CYP4Z1: variants seen among roughly 807,000 people sequenced by gnomAD.
CYP4Z1 encodes the protein cytochrome P450 4Z1.
Under a neutral mutation model 54.2 loss-of-function variants are expected in CYP4Z1, and 41 were observed. That is an observed-to-expected ratio of 0.76 (90% confidence interval 0.59 to 0.98). The LOEUF is 0.98. Among genes scored for constraint, CYP4Z1 ranks in the 50% least tolerant of loss-of-function variants. The pLI is 0.00. For missense variants in CYP4Z1, 513 were observed against 599.0 expected (o/e 0.86, Z 1.50); for synonymous variants, 163 against 206.2 (o/e 0.79, Z 1.79).
At chr1:47,090,545 C>A (rs2742092) in intron 6 of CYP4Z1, among the ~76,000 whole-genome samples, 1 of 152,116 alleles carries the variant, frequency 6.6e-6, no homozygotes, top group African/African-American at 2.4e-5. Flanking sequence ...TGCAAATATG[C>A]GTTAAAAAGA....
chr1:47,115,525 T>C lies in CYP4Z1; in HGVS notation c.1202-4T>C, dbSNP rs754515994. 5 of 1,612,776 alleles carry C rather than the reference T, an allele frequency of 3.1e-6. No individual in the cohort carries two copies. Among genetic ancestry groups the C allele is most frequent in the Non-Finnish European group, 8.5e-7 (1 of 1,179,504 alleles). On this transcript the variant is annotated splice_polypyrimidine_tract_variant and splice_region_variant and intron_variant, in intron 9 of 11. Coordinates refer to ENST00000334194, the MANE Select transcript of CYP4Z1 (RefSeq NM_178134.3). ...CTTACCTGCTTTTTCTTCTGTTTAC[T>C]CAGGAATAACTGTGTTTATCAATAT...
chr1:47,088,839 T>C (rs1308145401), intron 6 of CYP4Z1, among the ~76,000 whole-genome samples: 1 of 136,384 alleles, frequency 7.3e-6, no homozygotes, highest in Non-Finnish European at 1.5e-5. Context: ...GCAGGCTGGT[T>C]TCGAACTCCT....
At chr1:47,099,525 T>G (rs1277083346) in intron 8 of CYP4Z1, among the ~76,000 whole-genome samples, 1 of 152,190 alleles carries the variant, frequency 6.6e-6, no homozygotes, top group African/African-American at 2.4e-5. Context: ...CTTCAGGCAA[T>G]AGTACAACTG....
At chr1:47,102,993 T>A (rs1337537492) in intron 8 of CYP4Z1, among the ~76,000 whole-genome samples, 1 of 152,182 alleles carries the variant, frequency 6.6e-6, no homozygotes, top group East Asian at 1.9e-4. Flanking sequence ...GTGTCTTATA[T>A]GTCACATAGG....
chr1:47,056,879 C>A, the CYP4Z1 span, among the ~76,000 whole-genome samples: 1 of 152,090 alleles, frequency 6.6e-6, no homozygotes, highest in East Asian at 1.9e-4. Flanking sequence ...ATCCAATTTG[C>A]CAGTCTGTGT....
At chr1:47,065,799 A>G (rs1644446604), upstream of CYP4Z1, among the ~76,000 whole-genome samples, 1 of 152,178 alleles carries the variant, frequency 6.6e-6, no homozygotes, top group Non-Finnish European at 1.5e-5. Flanking sequence ...AACGAAGTAA[A>G]CAAGAGAGAA....
chr1:47,062,215 T>C, the CYP4Z1 span, among the ~76,000 whole-genome samples: 3 of 152,252 alleles, frequency 2.0e-5, no homozygotes, highest in South Asian at 6.2e-4. Context: ...AGTTTGAAGA[T>C]GACAGATAGC....
intron 2 of CYP4Z1, among the ~76,000 whole-genome samples, chr1:47,078,211 T>C (rs1644539452): frequency 6.6e-6 from 1 of 152,176 alleles, no homozygotes; most frequent in Admixed American, 6.5e-5. Flanking sequence ...CTTAGGACCA[T>C]TTACTTTTTC....
rs145999535 is a variant in CYP4Z1, at chr1:47,094,122, T to C, written c.773-444T>C. ...AAGGGGAATATTTTCAGTATTCCTC[T>C]GCCACTCAATTTGAGCACCAGTCTC... On this transcript the variant is annotated intron_variant, in intron 6 of 11. Transcript: ENST00000334194. 5.9e-3 allele frequency among the ~76,000 whole-genome samples: 887 copies of C among 151,440 alleles called. 8 individuals are homozygous for C. Among genetic ancestry groups the C allele is most frequent in the African/African-American group, 0.02 (831 of 40,726 alleles).
chr1:47,093,250 A>G (rs1383898580), intron 6 of CYP4Z1, among the ~76,000 whole-genome samples: 1 of 150,748 alleles, frequency 6.6e-6, no homozygotes, highest in Admixed American at 6.6e-5. Context: ...ACCCAGGGTG[A>G]AGGACAAGAC....
At chr1:47,094,091 G>C (rs191091175) in intron 6 of CYP4Z1, among the ~76,000 whole-genome samples, 19 of 152,212 alleles carry the variant, frequency 1.2e-4, no homozygotes, top group Non-Finnish European at 2.4e-4. Context: ...TCTTGTTCCA[G>C]TTCTCAAGGG....
chr1:47,079,844 T>G (rs1329815886), intron 2 of CYP4Z1, among the ~76,000 whole-genome samples: 1 of 138,318 alleles, frequency 7.2e-6, no homozygotes, highest in African/African-American at 2.7e-5. Flanking sequence ...GGCAGTGGTT[T>G]TATATTGAAG....
At chr1:47,060,490 T>C in the CYP4Z1 span, among the ~76,000 whole-genome samples, 1 of 124,538 alleles carries the variant, frequency 8.0e-6, no homozygotes, top group Non-Finnish European at 1.6e-5. Flanking sequence ...AGGTAAAGGG[T>C]TCTATTTAAG....
rs1644824522 is a variant in CYP4Z1, at chr1:47,115,598, G to T, written c.1266+5G>T. ...TATTTCTGGGAAGACCCTCAGGTATGATTGTCCCAACTGCACCCAGTGGCA... is the reference window on the plus strand; with the variant it reads ...TATTTCTGGGAAGACCCTCAGGTATTATTGTCCCAACTGCACCCAGTGGCA... On this transcript the variant is annotated splice_donor_5th_base_variant and intron_variant, in intron 10 of 11. Coordinates refer to ENST00000334194, the MANE Select transcript of CYP4Z1 (RefSeq NM_178134.3). The T allele has an allele frequency of 6.2e-7, 1 of 1,613,170 alleles. No individual in the cohort carries two copies. Among genetic ancestry groups the T allele is most frequent in the South Asian group, 1.1e-5 (1 of 91,042 alleles).
At chr1:47,106,469 G>A (rs1644758537) in intron 9 of CYP4Z1, among the ~76,000 whole-genome samples, 1 of 151,988 alleles carries the variant, frequency 6.6e-6, no homozygotes, top group Admixed American at 6.6e-5. Flanking sequence ...ACAGAATCCT[G>A]CCATATGGAC....
intron 10 of CYP4Z1, among the ~76,000 whole-genome samples, 191 bp downstream of exon 10, chr1:47,115,784 A>G (rs1474722538): frequency 6.6e-5 from 10 of 152,216 alleles, no homozygotes; most frequent in African/African-American, 2.2e-4. Flanking sequence ...TTCCATGATG[A>G]TGCCTTATCA....
In CYP4Z1 at chr1:47,094,922, C is replaced by T. The variant is rs549159739; in HGVS notation, c.876+253C>T. ...ACTTGGGAGGCTGAGGTGGGAGAGT[C>T]GTTTGAACCCAGGAGGTGGTAGAGC... On this transcript the variant is annotated intron_variant, in intron 7 of 11. Transcript: ENST00000334194. Among the ~76,000 whole-genome samples, 17 of 151,928 alleles carry T rather than the reference C, an allele frequency of 1.1e-4. No homozygotes were observed. In the South Asian group the frequency reaches 2.1e-3, roughly 19 times the overall value.
At chr1:47,084,511 G>A in intron 4 of CYP4Z1, 109 bp from the exon 5 acceptor site, 1 of 1,487,832 alleles carries the variant, frequency 6.7e-7, no homozygotes, top group Non-Finnish European at 9.1e-7. Context: ...AATTCATTTT[G>A]TACGCTTTAT....
the CYP4Z1 span, among the ~76,000 whole-genome samples, chr1:47,057,039 T>C: frequency 0.098 from 14,949 of 151,934 alleles, 776 homozygotes; most frequent in East Asian, 0.22. Context: ...ATTTGGCATG[T>C]TTTTGCAGTA....
Sources: gnomAD v4.1 joint callset for allele counts (sites outside exome capture counted in the v4.1 genomes callset) on GRCh38, gnomAD v4.1.1 for gene constraint, MANE v1.5 for transcripts, NCBI Gene and HGNC (gene_info 2026-07-23, HGNC 2026-07-21) for gene names.